The following IL15 variants were observed in gnomAD, a reference collection of about 807,000 sequenced individuals.
IL15 encodes the protein interleukin-15.
Under a neutral mutation model 19.6 loss-of-function variants are expected in IL15, and 11 were observed. The ratio of observed to expected loss-of-function variants is 0.56; its 90% CI spans 0.35 to 0.93. IL15 has a LOEUF of 0.93. Among genes scored for constraint, IL15 ranks in the 40% least tolerant of loss-of-function variants. The probability of loss-of-function intolerance (pLI) is 0.01; values close to 1 mark genes in which losing one functional copy is unlikely to be tolerated. For synonymous variants in IL15, 58 were observed against 59.6 expected (o/e 0.97, Z 0.12); for missense variants, 197 against 186.5 (o/e 1.06, Z -0.33).
chr4:141,722,559 A>G (rs1313039380), intron 5 of IL15, among the ~76,000 whole-genome samples: 2 of 152,216 alleles, frequency 1.3e-5, no homozygotes, highest in Non-Finnish European at 1.5e-5. Context: ...ACTGCATGTT[A>G]AAATAGAAGA....
intron 5 of IL15, among the ~76,000 whole-genome samples, chr4:141,727,559 A>G (rs1730311390): frequency 6.6e-6 from 1 of 152,104 alleles, no homozygotes; most frequent in Non-Finnish European, 1.5e-5. Context: ...GTGGTGATGA[A>G]ACTATTTTGT....
In IL15 at chr4:141,679,713, C is replaced by T. The variant is rs542370066; in HGVS notation, c.-100+23406C>T. Among the ~76,000 whole-genome samples, 23 of 152,278 alleles carry T rather than the reference C, an allele frequency of 1.5e-4. 1 individual carries two copies. The South Asian group carries it at 4.6e-3, about 30-fold the overall frequency. On this transcript the variant is annotated intron_variant, in intron 2 of 7. Coordinates refer to ENST00000320650, the MANE Select transcript of IL15 (RefSeq NM_000585.5). ...GCAGATTATGGCCAACATGGCTACA[C>T]AATGTCTTAGAAAAGTTAGTTTTGC...
At chr4:141,653,206 C>T (rs1289498498) in intron 1 of IL15, among the ~76,000 whole-genome samples, 1 of 152,152 alleles carries the variant, frequency 6.6e-6, no homozygotes, top group Non-Finnish European at 1.5e-5. Context: ...TTTACAGCCT[C>T]CTTTGGTTCA....
intron 2 of IL15, among the ~76,000 whole-genome samples, chr4:141,681,337 C>A (rs923288639): frequency 6.0e-5 from 9 of 150,476 alleles, no homozygotes; most frequent in Admixed American, 1.3e-4. Context: ...TAATAGAAGT[C>A]ATAGTAATAT....
intron 2 of IL15, among the ~76,000 whole-genome samples, chr4:141,705,575 A>G (rs1008129320): frequency 3.9e-5 from 6 of 151,958 alleles, no homozygotes; most frequent in Non-Finnish European, 8.8e-5. Context: ...TGTTCTATAA[A>G]TGTCTGTTAG....
intron 5 of IL15, among the ~76,000 whole-genome samples, chr4:141,726,152 T>C (rs72712445): frequency 0.15 from 22,382 of 152,028 alleles, 1,815 homozygotes; most frequent in African/African-American, 0.2. Flanking sequence ...TAAGTTTCAA[T>C]CTGAATTTTG....
At chr4:141,699,404 C>T (rs756241807) in intron 2 of IL15, among the ~76,000 whole-genome samples, 21 of 152,214 alleles carry the variant, frequency 1.4e-4, no homozygotes, top group Non-Finnish European at 2.5e-4. Flanking sequence ...ACTTCATGAT[C>T]GACCTAGCGC....
chr4:141,648,620 T>C lies in IL15; in HGVS notation c.-221-7566T>C, dbSNP rs1727306015. ...TCTCTTGTTATGCTGTTAAAAAAAT[T>C]TGCAGTTACCTCAAATATCAGATTA... is the stretch of plus-strand genomic sequence containing the variant. On this transcript the variant is annotated intron_variant, in intron 1 of 7. Coordinates refer to ENST00000320650, the MANE Select transcript of IL15 (RefSeq NM_000585.5). Among the ~76,000 whole-genome samples the C allele has an allele frequency of 1.3e-5, 2 of 152,022 alleles. 1 individual carries two copies. The highest frequency in any genetic ancestry group is 1.3e-4 in the Admixed American group (2 of 15,220).
intron 3 of IL15, among the ~76,000 whole-genome samples, chr4:141,719,735 T>C (rs930700970): frequency 4.6e-5 from 7 of 152,184 alleles, no homozygotes; most frequent in African/African-American, 1.7e-4. Flanking sequence ...TAAATGTCTT[T>C]GTACTCACTA....
At chr4:141,679,382 G>C (rs771634547) in intron 2 of IL15, among the ~76,000 whole-genome samples, 1 of 152,166 alleles carries the variant, frequency 6.6e-6, no homozygotes, top group Non-Finnish European at 1.5e-5. Flanking sequence ...CATTTTACAG[G>C]TGAATATGTG....
rs78326848 is a variant in IL15 at position 141,661,502 on chromosome 4, G to A, written c.-100+5195G>A. ...AGAGATGGTGCACGTGCCATTCCTC[G>A]TAAGATCCAATGGACTTCACAAGGT... On this transcript the variant is annotated intron_variant, in intron 2 of 7. Coordinates refer to ENST00000320650, the MANE Select transcript of IL15 (RefSeq NM_000585.5). Among the ~76,000 whole-genome samples, 1,427 of 152,238 alleles carry A rather than the reference G, an allele frequency of 9.4e-3. 20 individuals are homozygous for A. Among genetic ancestry groups the A allele is most frequent in the African/African-American group, 0.033 (1,372 of 41,520 alleles).
intron 2 of IL15, among the ~76,000 whole-genome samples, chr4:141,707,926 A>G (rs527965963): frequency 1.3e-5 from 2 of 152,314 alleles, no homozygotes; most frequent in Non-Finnish European, 2.9e-5. Flanking sequence ...GGCAGCCACC[A>G]AACTAGATGA....
At position 141,722,015 on chromosome 4, in the gene IL15, A is replaced by G. The variant is rs377513858; in HGVS notation, c.195+7A>G. The stretch of plus-strand genomic sequence containing the variant: ...AATTGAAGATCTTATTCAAGTGAGT[A>G]CTCATTTTTCCATAAAATGCCTGGT... On this transcript the variant is annotated splice_region_variant and intron_variant, in intron 5 of 7. Transcript: ENST00000320650. The G allele has an allele frequency of 3.2e-6, 5 of 1,569,530 alleles. No individual in the cohort carries two copies. Among genetic ancestry groups the G allele is most frequent in the African/African-American group, 1.3e-5 (1 of 74,230 alleles).
At chr4:141,649,988 G>A (rs1727351787) in intron 1 of IL15, among the ~76,000 whole-genome samples, 1 of 152,100 alleles carries the variant, frequency 6.6e-6, no homozygotes, top group Admixed American at 6.6e-5. Flanking sequence ...GGATGCCAGT[G>A]TTGGCACAAC....
intron 1 of IL15, among the ~76,000 whole-genome samples, chr4:141,648,285 G>A (rs772732375): frequency 2.0e-5 from 3 of 152,002 alleles, no homozygotes; most frequent in Non-Finnish European, 2.9e-5. Flanking sequence ...ATGAGTTTTA[G>A]AGAACTGAAA....
chr4:141,703,754 A>T (rs896511619), intron 2 of IL15, among the ~76,000 whole-genome samples: 3 of 150,742 alleles, frequency 2.0e-5, no homozygotes, highest in Non-Finnish European at 3.0e-5. Flanking sequence ...AAAAAAAAAA[A>T]GGTGTATAGA....
At chr4:141,697,945 T>C (rs1206284643) in intron 2 of IL15, among the ~76,000 whole-genome samples, 1 of 152,068 alleles carries the variant, frequency 6.6e-6, no homozygotes, top group Non-Finnish European at 1.5e-5. Context: ...TCAATGCTTT[T>C]CCATTCAGTA....
At chr4:141,682,903 G>C (rs1054523556) in intron 2 of IL15, among the ~76,000 whole-genome samples, 2 of 152,000 alleles carry the variant, frequency 1.3e-5, no homozygotes, top group African/African-American at 4.8e-5. Flanking sequence ...AGTGAGCCGA[G>C]ATCACGCCAC....
intron 2 of IL15, among the ~76,000 whole-genome samples, chr4:141,682,995 G>A (rs926966182): frequency 6.6e-6 from 1 of 152,046 alleles, no homozygotes; most frequent in Non-Finnish European, 1.5e-5. Context: ...TAGGGGCTGG[G>A]TGCGGTGGCT....
Sources: allele counts gnomAD v4.1 joint callset (sites outside exome capture counted in the v4.1 genomes callset), GRCh38; gene constraint gnomAD v4.1.1; transcripts MANE v1.5; gene names NCBI Gene and HGNC (gene_info 2026-07-23, HGNC 2026-07-21).